Variants in DGKI observed in about 807,000 individuals in gnomAD.
DGKI encodes diacylglycerol kinase iota, also known as DAG kinase iota.
A neutral mutation model predicts 147.5 loss-of-function variants in DGKI; 55 were observed. That is an observed-to-expected ratio of 0.37 (90% CI 0.30 to 0.47). DGKI has a LOEUF of 0.47. Among genes scored for constraint, DGKI ranks in the 20% least tolerant of loss-of-function variants. The probability of loss-of-function intolerance (pLI) is 1.00; values close to 1 mark genes in which losing one functional copy is unlikely to be tolerated. For missense variants in DGKI, 1,007 were observed against 1,323.8 expected (o/e 0.76, Z 3.71); for synonymous variants, 469 against 477.1 (o/e 0.98, Z 0.22).
intron 3 of DGKI, among the ~76,000 whole-genome samples, chr7:137,676,789 A>G (rs1823052663): frequency 6.6e-6 from 1 of 152,200 alleles, no homozygotes; most frequent in South Asian, 2.1e-4. Context: ...ATAATCATTC[A>G]GTGGATAGCA....
intron 1 of DGKI, among the ~76,000 whole-genome samples, chr7:137,732,840 C>T (rs756324364): frequency 6.6e-6 from 1 of 151,920 alleles, no homozygotes; most frequent in African/African-American, 2.4e-5. Context: ...CACACACATG[C>T]ACCCCACTAC....
At chr7:137,757,125 T>G (rs1795711479) in intron 1 of DGKI, among the ~76,000 whole-genome samples, 1 of 152,158 alleles carries the variant, frequency 6.6e-6, no homozygotes, top group Non-Finnish European at 1.5e-5. Context: ...AAAGCACCAC[T>G]GGTGCCCTGG....
intron 21 of DGKI, among the ~76,000 whole-genome samples, chr7:137,503,863 T>A (rs1816272553): frequency 6.6e-6 from 1 of 152,168 alleles, no homozygotes; most frequent in East Asian, 1.9e-4. Context: ...AATTCATCAT[T>A]TTTACCCTTA....
intron 27 of DGKI, among the ~76,000 whole-genome samples, chr7:137,455,224 G>A (rs1477280637): frequency 6.6e-6 from 1 of 152,050 alleles, no homozygotes; most frequent in African/African-American, 2.4e-5. Context: ...ACCCTTCTCA[G>A]GAGAGGGTGG....
chr7:137,399,109 A>G (rs118128690), intron 30 of DGKI, among the ~76,000 whole-genome samples: 1 of 151,698 alleles, frequency 6.6e-6, no homozygotes, highest in Non-Finnish European at 1.5e-5. Flanking sequence ...TCTAAATCTG[A>G]CATGTTCTTC....
In DGKI at chr7:137,484,269, G is replaced by GT. The variant is rs968141785; in HGVS notation, c.2373+1104dup. On this transcript the variant is annotated intron_variant, in intron 23 of 32. Coordinates refer to ENST00000614521, the MANE Select transcript of DGKI (RefSeq NM_001321708.2). ...ATACCTAGAAGGCTACAAGATATAGGTTTTTCTTTAAATTATTGTGTTTTC... is the reference window on the plus strand; with the variant it reads ...ATACCTAGAAGGCTACAAGATATAGGTTTTTTCTTTAAATTATTGTGTTTTC... 4.6e-5 allele frequency among the ~76,000 whole-genome samples: 7 copies of GT among 152,128 alleles called. No individual in the cohort carries two copies. In the East Asian group the frequency reaches 1.2e-3, roughly 25 times the overall value.
chr7:137,629,017 C>G (rs544179095), intron 6 of DGKI, among the ~76,000 whole-genome samples: 2 of 152,108 alleles, frequency 1.3e-5, no homozygotes, highest in Non-Finnish European at 2.9e-5. Flanking sequence ...TGATCCAACA[C>G]AAGAGTTGAT....
chr7:137,623,417 A>G (rs1249993424), intron 7 of DGKI, 66 bp downstream of exon 7: 1 of 1,463,392 alleles, frequency 6.8e-7, no homozygotes, highest in African/African-American at 1.4e-5. Flanking sequence ...GAGAAACTCA[A>G]ATAATGACAC....
At chr7:137,432,974 T>C (rs1413600541) in intron 28 of DGKI, among the ~76,000 whole-genome samples, 3 of 152,174 alleles carry the variant, frequency 2.0e-5, no homozygotes, top group African/African-American at 4.8e-5. Context: ...GAAAGTATTA[T>C]GTGAAGTTGT....
At chr7:137,734,970 A>G (rs192895099) in intron 1 of DGKI, among the ~76,000 whole-genome samples, 126 of 152,198 alleles carry the variant, frequency 8.3e-4, no homozygotes, top group African/African-American at 2.9e-3. Flanking sequence ...CTTCTATATA[A>G]TTGAAAAATC....
At chr7:137,495,917 T>C (rs1008966566) in intron 21 of DGKI, among the ~76,000 whole-genome samples, 1 of 152,110 alleles carries the variant, frequency 6.6e-6, no homozygotes, top group Non-Finnish European at 1.5e-5. Context: ...AGATGCTCAC[T>C]CTCACCACTT....
chr7:137,577,132 G>A, intron 17 of DGKI, 90 bp downstream of exon 17: 1 of 894,624 alleles, frequency 1.1e-6, no homozygotes, highest in Admixed American at 2.1e-5. Flanking sequence ...ATGCAGTCCA[G>A]TGATTCAATA....
chr7:137,535,080 C>T (rs1246815433), intron 20 of DGKI, among the ~76,000 whole-genome samples: 1 of 152,068 alleles, frequency 6.6e-6, no homozygotes, highest in Non-Finnish European at 1.5e-5. Context: ...AGAACTGTAA[C>T]GAAATAAATT....
At chr7:137,491,780 A>C (rs1013275091) in intron 21 of DGKI, among the ~76,000 whole-genome samples, 4 of 152,192 alleles carry the variant, frequency 2.6e-5, no homozygotes, top group Non-Finnish European at 5.9e-5. Flanking sequence ...AACTTTCTCC[A>C]AAGCCCATGC....
At chr7:137,399,293 C>A (rs1811662634) in intron 30 of DGKI, among the ~76,000 whole-genome samples, 1 of 152,052 alleles carries the variant, frequency 6.6e-6, no homozygotes. Context: ...TATAAGAACA[C>A]CTCAGTTATT....
rs781580130 is a variant in DGKI at position 137,846,161 on chromosome 7, T to TCTCTCTCTCTCTCTCTCACACA, written c.401+300_401+301insTGTGTGAGAGAGAGAGAGAGAG. ...CTCTCTCTCTCTCTCTCTCTCTCTC[T>TCTCTCTCTCTCTCTCTCACACA]CACACACACACACACACACACACAC... On this transcript the variant is annotated intron_variant, in intron 1 of 32. Coordinates refer to ENST00000614521, the MANE Select transcript of DGKI (RefSeq NM_001321708.2). The surrounding 1 kb of genome is among the most constrained non-coding windows in gnomAD (Gnocchi z 4.0). Among the ~76,000 whole-genome samples, 4 of 108,182 alleles carry TCTCTCTCTCTCTCTCTCACACA rather than the reference T, an allele frequency of 3.7e-5. No homozygotes were observed. Among genetic ancestry groups the TCTCTCTCTCTCTCTCTCACACA allele is most frequent in the Admixed American group, 2.2e-4 (2 of 9,282 alleles). The allele number at this position is 108,182 out of a possible 152,430, so 71.0% of individuals were successfully genotyped here. A position where few individuals can be genotyped will look rare whatever the true frequency, so the allele number is the denominator to read the frequency against.
chr7:137,787,785 G>A (rs192314587), intron 1 of DGKI, among the ~76,000 whole-genome samples: 19 of 152,226 alleles, frequency 1.2e-4, no homozygotes, highest in African/African-American at 4.6e-4. Context: ...CCATGAAAAG[G>A]AATGAAATAA....
Position 137,465,967 on chromosome 7 carries a change from C to T in DGKI, c.2553G>A (p.Val851=), listed in dbSNP as rs907627973. The change falls in exon 26 of 33, where the codon GTG becomes GTA. Residue 851 remains valine, a synonymous_variant. Coordinates refer to ENST00000614521, the MANE Select transcript of DGKI (RefSeq NM_001321708.2). The stretch of plus-strand genomic sequence containing the variant: ...CCGGAGGTGTCCCCGCCGGCTGTGA[C>T]ACCACCATATCTGGGTCCAGAATAA... The part of the protein sequence containing the change: ...EIFILDPDMV[V]SQPAGTPPGM... The T allele has an allele frequency of 1.1e-5, 17 of 1,614,072 alleles. No homozygotes were observed. In the African/African-American group the frequency reaches 1.9e-4, roughly 18 times the overall value.
chr7:137,423,620 T>C (rs1279992569), intron 28 of DGKI, among the ~76,000 whole-genome samples: 2 of 152,216 alleles, frequency 1.3e-5, no homozygotes, highest in Admixed American at 6.5e-5. Flanking sequence ...ATTACATTTC[T>C]TCTCAGTGAC....
Sources: allele counts gnomAD v4.1 joint callset (sites outside exome capture counted in the v4.1 genomes callset), GRCh38; gene constraint gnomAD v4.1.1; non-coding constraint Gnocchi (gnomAD v3.1); transcripts MANE v1.5; gene names NCBI Gene and HGNC (gene_info 2026-07-23, HGNC 2026-07-21).